CSNK1A1: variants seen among roughly 807,000 people sequenced by gnomAD.
CSNK1A1 encodes casein kinase I isoform alpha.
CSNK1A1 carries 7 observed loss-of-function variants against 46.1 expected under a neutral mutation model. The ratio of observed to expected loss-of-function variants is 0.15; its 90% CI spans 0.09 to 0.29. The LOEUF is 0.29. Among genes scored for constraint, CSNK1A1 ranks in the 10% least tolerant of loss-of-function variants. The pLI, the probability that CSNK1A1 is intolerant of heterozygous loss-of-function variation, is 1.00. For synonymous variants in CSNK1A1, 137 were observed against 141.5 expected (o/e 0.97, Z 0.23); for missense variants, 96 against 417.1 (o/e 0.23, Z 6.71).
chr5:149,504,588 C>T lies in CSNK1A1; in HGVS notation c.1006+859G>A, dbSNP rs80178109. The T allele has an allele frequency of 5.8e-3, 5,703 of 985,304 alleles. 235 individuals are homozygous for T. The African/African-American group carries it at 0.092, about 16-fold the overall frequency. 61.0% of individuals were successfully genotyped at this position (985,304 alleles called of 1,614,324 possible). A position where few individuals can be genotyped will look rare whatever the true frequency, so the allele number is the denominator to read the frequency against. On this transcript the variant is annotated intron_variant, in intron 9 of 9. Transcript: ENST00000377843. The stretch of plus-strand genomic sequence containing the variant: ...TTAAACTGTATAGCAACAGTGTGCC[C>T]TAACAGTTCTACTCCTTACAGGCAG...
At chr5:149,518,929 C>A (rs1173391698) in intron 4 of CSNK1A1, among the ~76,000 whole-genome samples, 1 of 151,788 alleles carries the variant, frequency 6.6e-6, no homozygotes, top group African/African-American at 2.4e-5. Flanking sequence ...GGTAAGAAAA[C>A]AGGAAGGAGA....
intron 8 of CSNK1A1, among the ~76,000 whole-genome samples, chr5:149,506,637 A>C (rs1322784933): frequency 6.6e-6 from 1 of 152,070 alleles, no homozygotes; most frequent in African/African-American, 2.4e-5. Flanking sequence ...TGCCTAAGGA[A>C]CCCTACCCTA....
At chr5:149,497,420 T>C (rs1057112410) in intron 9 of CSNK1A1, 5 of 985,904 alleles carry the variant, frequency 5.1e-6, no homozygotes, top group East Asian at 1.1e-4. Context: ...ATTAGAAAGA[T>C]TGTTTTGTGA....
chr5:149,542,640 G>T (rs10059645), intron 2 of CSNK1A1, among the ~76,000 whole-genome samples: 4 of 13,040 alleles, frequency 3.1e-4, no homozygotes, highest in African/African-American at 7.0e-4. Context: ...ATATATATAT[G>T]TATATATATA....
intron 9 of CSNK1A1, chr5:149,498,616 CAG>C (rs1760729636): frequency 7.1e-6 from 7 of 985,272 alleles, no homozygotes; most frequent in Non-Finnish European, 7.2e-6. Flanking sequence ...CAGGATTAAA[CAG>C]AATTCCCCCA....
At chr5:149,502,094 T>A (rs1451892755) in intron 9 of CSNK1A1, 3 of 983,526 alleles carry the variant, frequency 3.1e-6, no homozygotes, top group Non-Finnish European at 3.6e-6. Flanking sequence ...CCACATTAGC[T>A]AGATAAGCCA....
At chr5:149,511,703 C>T in intron 6 of CSNK1A1, 91 bp downstream of exon 6, 1 of 897,438 alleles carries the variant, frequency 1.1e-6, no homozygotes, top group South Asian at 1.6e-5. Flanking sequence ...AAATCTCAGA[C>T]TTAGAAGGGA....
rs530944603 is a variant in CSNK1A1 at position 149,494,933 on chromosome 5, T to A, written c.*1920A>T. On this transcript the variant is annotated 3_prime_UTR_variant, in exon 10 of 10. Coordinates refer to ENST00000377843, the MANE Select transcript of CSNK1A1 (RefSeq NM_001892.6). ...CTGAAAAATATCTTGCTAGAGGGAG[T>A]TCAGCTTGGAAGTTATTACCAAAGC... 1 of 151,930 alleles carries A rather than the reference T, an allele frequency of 6.6e-6. No individual in the cohort carries two copies. Among genetic ancestry groups the A allele is most frequent in the South Asian group, 2.1e-4 (1 of 4,800 alleles). 9.4% of individuals were successfully genotyped at this position (151,930 alleles called of 1,614,324 possible).
At chr5:149,507,275 C>T (rs1000302879) in intron 7 of CSNK1A1, 142 bp from the exon 8 acceptor site, 3 of 609,446 alleles carry the variant, frequency 4.9e-6, no homozygotes, top group Admixed American at 3.1e-5. Context: ...AAAATGATGG[C>T]TTGGTCTCCT....
At chr5:149,526,556 T>C (rs1325604474) in intron 2 of CSNK1A1, among the ~76,000 whole-genome samples, 1 of 152,222 alleles carries the variant, frequency 6.6e-6, no homozygotes, top group Non-Finnish European at 1.5e-5. Context: ...GCTTTGCTGA[T>C]AAATGCCAAT....
rs1561772632 is a variant in CSNK1A1 at position 149,542,651 on chromosome 5, TA to T, written c.230+7423del. Reference sequence around the variant, plus strand: ...ATATATATATATATGTATATATATATATATATATATATATATATATGTATAT... The same window carrying T: ...ATATATATATATATGTATATATATATTATATATATATATATATATGTATAT... On this transcript the variant is annotated intron_variant, in intron 2 of 9. Coordinates refer to ENST00000377843, the MANE Select transcript of CSNK1A1 (RefSeq NM_001892.6). Among the ~76,000 whole-genome samples the T allele has an allele frequency of 3.6e-3, 29 of 8,110 alleles. 6 individuals are homozygous for T. The highest frequency in any genetic ancestry group is 0.021 in the African/African-American group (29 of 1,364). 5.3% of individuals were successfully genotyped at this position (8,110 alleles called of 152,430 possible). A position where few individuals can be genotyped will look rare whatever the true frequency, so the allele number is the denominator to read the frequency against.
At chr5:149,499,640 G>T (rs570795762) in intron 9 of CSNK1A1, among the ~76,000 whole-genome samples, 88 of 151,264 alleles carry the variant, frequency 5.8e-4, no homozygotes, top group African/African-American at 2.1e-3. Flanking sequence ...TTTGAGATGG[G>T]GTCTTGCTGT....
chr5:149,538,125 C>T (rs1261830394), intron 2 of CSNK1A1, among the ~76,000 whole-genome samples: 5 of 146,854 alleles, frequency 3.4e-5, no homozygotes, highest in Non-Finnish European at 3.0e-5. Flanking sequence ...CAGGTTCAAG[C>T]GATTCTCCTG....
intron 2 of CSNK1A1, among the ~76,000 whole-genome samples, chr5:149,533,618 C>T (rs951042074): frequency 6.6e-6 from 1 of 151,598 alleles, no homozygotes; most frequent in Non-Finnish European, 1.5e-5. Flanking sequence ...TTATTTTCCC[C>T]GTAATACCCA....
chr5:149,526,760 A>G (rs1451147270), intron 2 of CSNK1A1, among the ~76,000 whole-genome samples: 1 of 152,084 alleles, frequency 6.6e-6, no homozygotes, highest in Non-Finnish European at 1.5e-5. Context: ...CAGAAATTTC[A>G]GGCATAGCAC....
rs1760581658 is a variant in CSNK1A1, at chr5:149,493,633, AAAAG to A, written c.*3216_*3219del. On this transcript the variant is annotated 3_prime_UTR_variant, in exon 10 of 10. Coordinates refer to ENST00000377843, the MANE Select transcript of CSNK1A1 (RefSeq NM_001892.6). ...TCAAACATACACTGCTAAAAAAAAA[AAAAG>A]ATTGTCATTAAGAATATTACAATAG... 6.6e-6 allele frequency: 1 copy of A among 152,192 alleles called. No individual in the cohort carries two copies. The highest frequency in any genetic ancestry group is 2.4e-5 in the African/African-American group (1 of 41,440). 9.4% of individuals were successfully genotyped at this position (152,192 alleles called of 1,614,324 possible).
rs1266517871 is a variant in CSNK1A1, at chr5:149,496,038, T to G, written c.*815A>C. 3 of 152,634 alleles carry G rather than the reference T, an allele frequency of 2.0e-5. No homozygotes were observed. Among genetic ancestry groups the G allele is most frequent in the Non-Finnish European group, 4.4e-5 (3 of 68,040 alleles). 9.5% of individuals were successfully genotyped at this position (152,634 alleles called of 1,614,324 possible). A position where few individuals can be genotyped will look rare whatever the true frequency, so the allele number is the denominator to read the frequency against. On this transcript the variant is annotated 3_prime_UTR_variant, in exon 10 of 10. Transcript: ENST00000377843. The stretch of plus-strand genomic sequence containing the variant: ...ACTTGTAAACAAAAAAGCTCCCATT[T>G]CAAAATAAAAACAAAATCCCAGATC...
intron 2 of CSNK1A1, among the ~76,000 whole-genome samples, chr5:149,544,264 T>G (rs1304999164): frequency 6.6e-6 from 1 of 152,134 alleles, no homozygotes; most frequent in Non-Finnish European, 1.5e-5. Context: ...CTTACACACA[T>G]TAAGGAACTG....
intron 7 of CSNK1A1, among the ~76,000 whole-genome samples, chr5:149,509,236 A>T (rs1761137008): frequency 6.6e-6 from 1 of 151,554 alleles, no homozygotes; most frequent in African/African-American, 2.4e-5. Flanking sequence ...ACTTATTTAA[A>T]AAGACCCCTA....
Sources: gnomAD v4.1 joint callset for allele counts (sites outside exome capture counted in the v4.1 genomes callset) on GRCh38, gnomAD v4.1.1 for gene constraint, MANE v1.5 for transcripts, NCBI Gene and HGNC (gene_info 2026-07-23, HGNC 2026-07-21) for gene names.